Variants in SLC24A1 observed in about 807,000 individuals in gnomAD.
SLC24A1 encodes solute carrier family 24 member 1, also known as sodium/potassium/calcium exchanger 1.
SLC24A1 carries 52 observed loss-of-function variants against 88.1 expected under a neutral mutation model. That is an observed-to-expected ratio of 0.59 (90% confidence interval 0.47 to 0.74). The LOEUF (loss-of-function observed/expected upper bound fraction) is 0.74. Among genes scored for constraint, SLC24A1 ranks in the 30% least tolerant of loss-of-function variants. SLC24A1 has a pLI of 0.00. For missense variants in SLC24A1, 1,173 were observed against 1,363.3 expected, an observed-to-expected ratio of 0.86 and a Z score of 2.20; for synonymous variants, 455 against 498.0, an observed-to-expected ratio of 0.91 and a Z score of 1.15.
chr15:65,618,634 C>CGGTATCT (rs1399635054), upstream of SLC24A1, among the ~76,000 whole-genome samples: 1 of 152,196 alleles, frequency 6.6e-6, no homozygotes, highest in Non-Finnish European at 1.5e-5. Context: ...ACATCTTCAC[C>CGGTATCT]GGTATCTTCG....
chr15:65,650,664 G>C lies in SLC24A1; in HGVS notation c.2515G>C (p.Gly839Arg). ...CCAGGAACTCAGTGCTGAAAATCAC[G>C]GTGAAGCCAAAAATGATGAGAAAGG... ...ESQELSAENH[G>R]EAKNDEKGVE... Residue 839 changes from glycine (G) to arginine (R), a missense_variant, in exon 7 of 10, where the codon GGT (glycine) becomes CGT (arginine). By Grantham distance (125) the Gly-to-Arg change is moderately radical. Transcript: ENST00000261892. The surrounding 1 kb of genome is among the most constrained non-coding windows in gnomAD (Gnocchi z 4.1). 6.5e-7 allele frequency: 1 copy of C among 1,546,940 alleles called. No homozygotes were observed. The highest frequency in any genetic ancestry group is 8.7e-7 in the Non-Finnish European group (1 of 1,143,900).
At position 65,625,536 on chromosome 15, in the gene SLC24A1, G is replaced by T. The variant is rs779029678; in HGVS notation, c.1456G>T (p.Asp486Tyr). The T allele has an allele frequency of 1.2e-6, 2 of 1,614,040 alleles. No individual in the cohort carries two copies. The highest frequency in any genetic ancestry group is 2.2e-5 in the East Asian group (1 of 44,876). The change falls in exon 2 of 10, where the codon GAC becomes TAC. Residue 486 changes from aspartate (D) to tyrosine (Y), a missense_variant. Asp to Tyr is a radical substitution (Grantham distance 160, BLOSUM62 -3). Coordinates refer to ENST00000261892, the MANE Select transcript of SLC24A1 (RefSeq NM_004727.3). ...CGTTCCAGCCCTGGGTGTCATCACA[G>T]ACAAGCTGCAGATCTCCGAGGATGT... ...YFVPALGVIT[D>Y]KLQISEDVAG...
chr15:65,660,441 T>G, downstream of SLC24A1: 1 of 657,050 alleles, frequency 1.5e-6, no homozygotes, highest in Non-Finnish European at 2.5e-6. Flanking sequence ...AATTTGGGAC[T>G]ATCCATTTTT....
chr15:65,638,137 G>A lies in SLC24A1; in HGVS notation c.1900G>A (p.Gly634Arg). Residue 634 changes from glycine (G) to arginine (R), a missense_variant, in exon 3 of 10, where the codon GGG becomes AGG. Transcript: ENST00000261892. ...ALEDLSKPGD[G>R]AIAVDELQDN... ...CTCTCCCTGTTTGCAGCCGGGCGAT[G>A]GGGCCATTGCGGTGGATGAGCTACA... 2 of 1,610,006 alleles carry A rather than the reference G, an allele frequency of 1.2e-6. No individual in the cohort carries two copies. The highest frequency in any genetic ancestry group is 1.7e-6 in the Non-Finnish European group (2 of 1,177,970).
chr15:65,612,179 T>G (rs1230117321), intron 1 of SLC24A1: 2 of 152,308 alleles, frequency 1.3e-5, no homozygotes, highest in Non-Finnish European at 2.9e-5. Flanking sequence ...ACTTTCTTTC[T>G]AACCATGTAG....
At chr15:65,630,030 G>A (rs2074659571) in intron 2 of SLC24A1, among the ~76,000 whole-genome samples, 1 of 152,154 alleles carries the variant, frequency 6.6e-6, no homozygotes, top group Non-Finnish European at 1.5e-5. Flanking sequence ...AGTGGCTCAA[G>A]CACGACTCAC....
At chr15:65,644,352 C>A in intron 4 of SLC24A1, 75 bp from the exon 5 acceptor site, 1 of 1,036,836 alleles carries the variant, frequency 9.6e-7, no homozygotes, top group Non-Finnish European at 1.5e-6. Flanking sequence ...GCTCAGCTGA[C>A]TGTCCTAACT....
Position 65,654,245 on chromosome 15 carries a change from C to G in SLC24A1, c.*166C>G. The G allele has an allele frequency of 2.8e-6, 4 of 1,416,930 alleles. No individual in the cohort carries two copies. The highest frequency in any genetic ancestry group is 3.7e-6 in the Non-Finnish European group (4 of 1,091,814). The allele number at this position is 1,416,930 out of a possible 1,614,324, so 87.8% of individuals were successfully genotyped here. A position where few individuals can be genotyped will look rare whatever the true frequency, so the allele number is the denominator to read the frequency against. ...TGAGACTAAAGTTTGTCCTTGGAAA[C>G]ACCTGCAGCTCATTGTGGATTAAGA... On this transcript the variant is annotated 3_prime_UTR_variant, in exon 10 of 10. Transcript: ENST00000261892.
In SLC24A1 at chr15:65,651,715, T is replaced by C. The variant is rs763844479; in HGVS notation, c.2839T>C (p.Trp947Arg). ...TTTCACCTTCCTGGGATCTATCATG[T>C]GGATAGCCATGTTCTCATACCTCAT... ...FVFTFLGSIM[W>R]IAMFSYLMVW... Residue 947 changes from tryptophan (W) to arginine (R), a missense_variant, in exon 8 of 10, where the codon TGG (tryptophan) becomes CGG (arginine). By Grantham distance (101) the Trp-to-Arg change is moderately radical. Transcript: ENST00000261892. The C allele has an allele frequency of 6.8e-6, 11 of 1,611,010 alleles. No individual in the cohort carries two copies. The highest frequency in any genetic ancestry group is 1.1e-5 in the South Asian group (1 of 90,930).
Position 65,645,653 on chromosome 15 carries a change from G to C in SLC24A1, c.2182G>C (p.Ala728Pro). Reference protein sequence around the residue: ...AKLPAVTVTPAPVPDIKGDQK... With the variant: ...AKLPAVTVTPPPVPDIKGDQK... Reference sequence around the variant, plus strand: ...GCTCCCTGCGGTCACGGTCACACCAGCCCCTGTTCCAGACATCAAGGGAGA... The same window carrying C: ...GCTCCCTGCGGTCACGGTCACACCACCCCCTGTTCCAGACATCAAGGGAGA... The change falls in exon 6 of 10, where the codon GCC becomes CCC. Residue 728 changes from alanine to proline, a missense_variant. Transcript: ENST00000261892. The C allele has an allele frequency of 1.3e-6, 2 of 1,580,754 alleles. No individual in the cohort carries two copies. Among genetic ancestry groups the C allele is most frequent in the Non-Finnish European group, 1.7e-6 (2 of 1,163,274 alleles).
In SLC24A1 at chr15:65,624,988, A is replaced by T. The variant is rs1434640865; in HGVS notation, c.908A>T (p.Asn303Ile). ...AHPWGLVGKS[N>I]PKTPQGTVLL... Reference sequence around the variant, plus strand: ...CCCTGGGGGTTAGTGGGAAAGAGCAACCCGAAGACTCCCCAGGGAACAGTC... The same window carrying T: ...CCCTGGGGGTTAGTGGGAAAGAGCATCCCGAAGACTCCCCAGGGAACAGTC... The change falls in exon 2 of 10, where the codon AAC (asparagine) becomes ATC (isoleucine). Residue 303 changes from asparagine to isoleucine, a missense_variant. Coordinates refer to ENST00000261892, the MANE Select transcript of SLC24A1 (RefSeq NM_004727.3). 2 of 1,608,170 alleles carry T rather than the reference A, an allele frequency of 1.2e-6. No homozygotes were observed. Among genetic ancestry groups the T allele is most frequent in the Non-Finnish European group, 1.7e-6 (2 of 1,176,916 alleles).
At position 65,655,484 on chromosome 15, in the gene SLC24A1, A is replaced by T; in HGVS notation, c.*1405A>T. ...TTTTAAAACTGTGGTTAAATGTTTT[A>T]TGTGGAATTTGATGAGTTTGTATAT... On this transcript the variant is annotated 3_prime_UTR_variant, in exon 10 of 10. Coordinates refer to ENST00000261892, the MANE Select transcript of SLC24A1 (RefSeq NM_004727.3). The T allele has an allele frequency of 1.0e-6, 1 of 985,374 alleles. No homozygotes were observed. The highest frequency in any genetic ancestry group is 1.2e-6 in the Non-Finnish European group (1 of 829,848). The allele number at this position is 985,374 out of a possible 1,614,324, so 61.0% of individuals were successfully genotyped here.
At chr15:65,648,487 CT>C (rs1161784695) in intron 6 of SLC24A1, among the ~76,000 whole-genome samples, 1,891 of 144,672 alleles carry the variant, frequency 0.013, 29 homozygotes, top group African/African-American at 0.04. Context: ...AATTTTATCT[CT>C]TTTTTTTTTT....
chr15:65,657,599 G>A (rs1052095119), downstream of SLC24A1, among the ~76,000 whole-genome samples: 3 of 152,200 alleles, frequency 2.0e-5, no homozygotes, highest in African/African-American at 7.2e-5. Flanking sequence ...AGCCGAGATC[G>A]TGCCACTGCA....
In SLC24A1 at chr15:65,650,949, G is replaced by T; in HGVS notation, c.2793+7G>T. 6.2e-7 allele frequency: 1 copy of T among 1,612,394 alleles called. No individual in the cohort carries two copies. Among genetic ancestry groups the T allele is most frequent in the Non-Finnish European group, 8.5e-7 (1 of 1,178,444 alleles). On this transcript the variant is annotated splice_region_variant and intron_variant, in intron 7 of 9. Transcript: ENST00000261892. The surrounding 1 kb of genome is among the most constrained non-coding windows in gnomAD (Gnocchi z 4.1). ...CCCCGACGTCCGAAGGCAGGTGAGTGTGCCCATCTGTATCTCAGACTCTTT... is the reference window on the plus strand; with the variant it reads ...CCCCGACGTCCGAAGGCAGGTGAGTTTGCCCATCTGTATCTCAGACTCTTT...
intron 2 of SLC24A1, among the ~76,000 whole-genome samples, chr15:65,613,537 C>T (rs1391311241): frequency 6.6e-6 from 1 of 151,274 alleles, no homozygotes; most frequent in Non-Finnish European, 1.5e-5. Flanking sequence ...GGCTGGAGTG[C>T]AGTGGCATGG....
chr15:65,618,796 G>A (rs1474276439), upstream of SLC24A1: 1 of 152,316 alleles, frequency 6.6e-6, no homozygotes, highest in Non-Finnish European at 1.5e-5. Flanking sequence ...TTTGACGGGT[G>A]TTGTGAATAG....
Position 65,624,575 on chromosome 15 carries a change from G to T in SLC24A1, c.495G>T (p.Lys165Asn), listed in dbSNP as rs780182568. 5.0e-6 allele frequency: 8 copies of T among 1,594,752 alleles called. No individual in the cohort carries two copies. The South Asian group carries it at 6.8e-5, about 14-fold the overall frequency. ...TSTSSRQIVK[K>N]YTPTPRGEMK... ...CTTCAAGCAGACAAATAGTAAAAAA[G>T]TATACCCCAACACCCAGGGGAGAAA... Residue 165 changes from lysine to asparagine, a missense_variant, in exon 2 of 10, where the codon AAG becomes AAT. By Grantham distance (94) the Lys-to-Asn change is moderately conservative. Coordinates refer to ENST00000261892, the MANE Select transcript of SLC24A1 (RefSeq NM_004727.3).
chr15:65,627,390 T>A (rs765567112), intron 2 of SLC24A1, among the ~76,000 whole-genome samples: 2 of 152,230 alleles, frequency 1.3e-5, no homozygotes, highest in Non-Finnish European at 2.9e-5. Context: ...TCTGGTCAAC[T>A]GAGCTTCTAT....
Sources: allele counts gnomAD v4.1 joint callset (sites outside exome capture counted in the v4.1 genomes callset), GRCh38; gene constraint gnomAD v4.1.1; non-coding constraint Gnocchi (gnomAD v3.1); transcripts MANE v1.5; gene names NCBI Gene and HGNC (gene_info 2026-07-23, HGNC 2026-07-21).